RGPD8: variants seen among roughly 807,000 people sequenced by gnomAD.
The protein encoded by RGPD8 is RANBP2 like and GRIP domain containing 8.
RGPD8 carries 15 observed loss-of-function variants against 89.1 expected under a neutral mutation model. That is an observed-to-expected ratio of 0.17 (90% CI 0.11 to 0.26). RGPD8 has a LOEUF of 0.26. Among genes scored for constraint, RGPD8 ranks in the 10% least tolerant of loss-of-function variants. The pLI, the probability that RGPD8 is intolerant of heterozygous loss-of-function variation, is 1.00. For synonymous variants in RGPD8, 62 were observed against 420.9 expected (o/e 0.15, Z 10.44); for missense variants, 178 against 1,179.6 (o/e 0.15, Z 12.44).
rs547202568 is a variant in RGPD8, at chr2:112,415,754, G to A, written c.782+1439C>T. Among the ~76,000 whole-genome samples the A allele has an allele frequency of 9.0e-3, 1,269 of 141,068 alleles. 1 individual carries two copies. Among genetic ancestry groups the A allele is most frequent in the Middle Eastern group, 0.016 (4 of 244 alleles). 92.5% of individuals were successfully genotyped at this position (141,068 alleles called of 152,430 possible). ...AAAAATTAGCCAGGTGTGGTGTCGG[G>A]CACATGTAGTCCCACCTATTCAGGA... On this transcript the variant is annotated intron_variant, in intron 6 of 22. Transcript: ENST00000302558.
In RGPD8 at chr2:112,424,239, C is replaced by A. The variant is rs1475253832; in HGVS notation, c.140+1G>T. The A allele has an allele frequency of 6.3e-7, 1 of 1,587,988 alleles. No homozygotes were observed. The highest frequency in any genetic ancestry group is 1.3e-5 in the African/African-American group (1 of 74,526). On this transcript the variant is annotated splice_donor_variant, in intron 2 of 22. Transcript: ENST00000302558. LOFTEE classifies it high-confidence loss of function. ...GAATACATGTTACGGTTTGTACTTA[C>A]TTTTTAGCAAGATCATATTCTTTAG... is the stretch of plus-strand genomic sequence containing the variant.
chr2:112,432,314 G>A (rs1044650146), intron 1 of RGPD8, among the ~76,000 whole-genome samples: 3 of 151,730 alleles, frequency 2.0e-5, no homozygotes, highest in Non-Finnish European at 2.9e-5. Flanking sequence ...CCATACTAAC[G>A]ATTTGTAAGA....
chr2:112,433,241 C>A, intron 1 of RGPD8, 141 bp downstream of exon 1: 1 of 963,626 alleles, frequency 1.0e-6, no homozygotes, highest in Non-Finnish European at 1.4e-6. Context: ...GGGTGGAGGC[C>A]GCCGCCTCAA....
At chr2:112,430,151 T>C (rs1425647548) in intron 1 of RGPD8, among the ~76,000 whole-genome samples, 2 of 152,048 alleles carry the variant, frequency 1.3e-5, no homozygotes, top group African/African-American at 4.8e-5. Flanking sequence ...AATGGAAGAC[T>C]AGAAAGATAT....
At chr2:112,402,472 A>C (rs1422779901) in intron 9 of RGPD8, among the ~76,000 whole-genome samples, 2 of 151,308 alleles carry the variant, frequency 1.3e-5, no homozygotes, top group Non-Finnish European at 2.9e-5. Flanking sequence ...CCTGGGTGAC[A>C]GAGCGAGACT....
chr2:112,370,327 C>G (rs1677916193), intron 22 of RGPD8, 115 bp from the exon 23 acceptor site: 4 of 258,022 alleles, frequency 1.6e-5, no homozygotes, highest in Middle Eastern at 1.8e-3. Context: ...GTCTTTTTTA[C>G]TGATCACATG....
chr2:112,431,586 T>C (rs369554910), intron 1 of RGPD8, among the ~76,000 whole-genome samples: 131 of 151,812 alleles, frequency 8.6e-4, no homozygotes, highest in African/African-American at 3.0e-3. Context: ...TGCTTAGTTA[T>C]GATAAGAGAC....
At chr2:112,424,997 GAC>G (rs1291355808) in intron 1 of RGPD8, among the ~76,000 whole-genome samples, 3 of 151,846 alleles carry the variant, frequency 2.0e-5, no homozygotes, top group Admixed American at 2.0e-4. Context: ...CCAGGAGGTT[GAC>G]ACTGCCGTGA....
At chr2:112,417,082 C>G (rs1679444830) in intron 6 of RGPD8, 111 bp downstream of exon 6, 2 of 1,601,998 alleles carry the variant, frequency 1.2e-6, no homozygotes, top group East Asian at 4.5e-5. Flanking sequence ...ACTATAACTC[C>G]TAGGTACATT....
chr2:112,422,360 G>A lies in RGPD8; in HGVS notation c.252+188C>T, dbSNP rs1166878570. Among the ~76,000 whole-genome samples the A allele has an allele frequency of 1.2e-4, 18 of 150,876 alleles. 1 individual carries two copies. Among genetic ancestry groups the A allele is most frequent in the East Asian group, 3.9e-4 (2 of 5,130 alleles). On this transcript the variant is annotated intron_variant, in intron 3 of 22. Transcript: ENST00000302558. ...ACACAAAAGAACACCATTTCTGACC[G>A]TGTTAGACTTACAATTTATAGGTGT...
In RGPD8 at chr2:112,433,511, C is replaced by T. The variant is rs534186879; in HGVS notation, c.-58G>A. 378 of 1,542,410 alleles carry T rather than the reference C, an allele frequency of 2.5e-4. 2 individuals are homozygous for T. The African/African-American group carries it at 4.8e-3, about 19-fold the overall frequency. ...GAGCACCGCTCAGCCCCGCAGCAGTCGCCACTTCCAAGAGGAAAGTGCCTG... is the reference window on the plus strand; with the variant it reads ...GAGCACCGCTCAGCCCCGCAGCAGTTGCCACTTCCAAGAGGAAAGTGCCTG... On this transcript the variant is annotated 5_prime_UTR_variant, in exon 1 of 23. Coordinates refer to ENST00000302558, the MANE Select transcript of RGPD8 (RefSeq NM_001164463.1).
At chr2:112,374,314 TTGCATGTC>T (rs1164594541) in intron 22 of RGPD8, among the ~76,000 whole-genome samples, 1 of 152,120 alleles carries the variant, frequency 6.6e-6, no homozygotes, top group Non-Finnish European at 1.5e-5. Context: ...TAAGTTTCCT[TTGCATGTC>T]TTTCTTTCTG....
intron 1 of RGPD8, 136 bp downstream of exon 1, chr2:112,433,246 C>T (rs1214493437): frequency 1.0e-6 from 1 of 979,184 alleles, no homozygotes; most frequent in Non-Finnish European, 1.4e-6. Flanking sequence ...GAGGCCGCCG[C>T]CTCAACAGAG....
At chr2:112,381,888 GGTTAATACTGGGT>G in intron 20 of RGPD8, among the ~76,000 whole-genome samples, 1 of 152,298 alleles carries the variant, frequency 6.6e-6, no homozygotes, top group Non-Finnish European at 1.5e-5. Flanking sequence ...ACAGTGTGAT[GGTTAATACTGGGT>G]GTCAACTTGA....
At chr2:112,425,323 C>T (rs1679723721) in intron 1 of RGPD8, among the ~76,000 whole-genome samples, 1 of 149,590 alleles carries the variant, frequency 6.7e-6, no homozygotes, top group South Asian at 2.1e-4. Context: ...TTCCCGGGTC[C>T]ATGTACTGTT....
rs768540027 is a variant in RGPD8 at position 112,433,418 on chromosome 2, G to C, written c.36C>G (p.Val12=). 4 of 1,610,490 alleles carry C rather than the reference G, an allele frequency of 2.5e-6. No homozygotes were observed. In the East Asian group the frequency reaches 8.9e-5, roughly 36 times the overall value. The part of the protein sequence containing the change: ...RRSKADVERY[V]ASVLGLTPSP... ...ACGGGGTGAGACCCAGCACCGAGGC[G>C]ACGTACCGCTCCACATCGGCCTTGC... The change falls in exon 1 of 23, where the codon GTC becomes GTG. Residue 12 remains valine (V), a synonymous_variant. Coordinates refer to ENST00000302558, the MANE Select transcript of RGPD8 (RefSeq NM_001164463.1).
At chr2:112,432,478 C>T in intron 1 of RGPD8, 13 of 985,240 alleles carry the variant, frequency 1.3e-5, no homozygotes, top group Non-Finnish European at 1.6e-5. Context: ...GGGGACTTTC[C>T]GTGTCATTTG....
intron 17 of RGPD8, among the ~76,000 whole-genome samples, chr2:112,395,873 G>A (rs1419781545): frequency 6.6e-6 from 1 of 152,308 alleles, no homozygotes; most frequent in Non-Finnish European, 1.5e-5. Context: ...GTAGCTATGT[G>A]GCTACCTGAT....
At chr2:112,428,375 C>G (rs562748915) in intron 1 of RGPD8, among the ~76,000 whole-genome samples, 1 of 149,826 alleles carries the variant, frequency 6.7e-6, no homozygotes, top group African/African-American at 2.5e-5. Flanking sequence ...ACCTGGGAGG[C>G]GGAGGTTGCG....
Sources: gnomAD v4.1 joint callset for allele counts (sites outside exome capture counted in the v4.1 genomes callset) on GRCh38, gnomAD v4.1.1 for gene constraint, MANE v1.5 for transcripts, NCBI Gene and HGNC (gene_info 2026-07-23, HGNC 2026-07-21) for gene names.